Variants in GRID1 observed in about 807,000 individuals in gnomAD.
The protein encoded by GRID1 is glutamate receptor ionotropic, delta-1.
In GRID1, 28 loss-of-function variants were observed where a neutral mutation model predicts 98.0. The observed-to-expected ratio is 0.29, with a 90% CI of 0.21 to 0.39. The LOEUF is 0.39. Ranked by LOEUF, GRID1 falls within the 10% of genes least tolerant of loss-of-function variation. GRID1 has a pLI of 1.00. For missense variants in GRID1, 1,111 were observed against 1,340.5 expected (o/e 0.83, Z 2.67); for synonymous variants, 553 against 538.5 (o/e 1.03, Z -0.37).
chr10:85,736,238 GGGAAGGAAGGAGAGAA>G (rs1342099519), intron 8 of GRID1, among the ~76,000 whole-genome samples: 10 of 128,020 alleles, frequency 7.8e-5, no homozygotes, highest in South Asian at 5.3e-4. Context: ...GAGAGAAGGA[GGGAAGGAAGGAGAGAA>G]GGAAGGAAGG....
intron 4 of GRID1, among the ~76,000 whole-genome samples, chr10:85,963,130 A>G (rs1362445767): frequency 6.6e-6 from 1 of 152,134 alleles, no homozygotes; most frequent in African/African-American, 2.4e-5. Flanking sequence ...CATGGATTCC[A>G]GAACATGTTC....
chr10:85,811,532 T>C (rs1842670730), intron 8 of GRID1, among the ~76,000 whole-genome samples: 1 of 151,950 alleles, frequency 6.6e-6, no homozygotes, highest in Non-Finnish European at 1.5e-5. Flanking sequence ...CAAACAAAAA[T>C]TCTAGACCTG....
chr10:85,962,073 G>T (rs566591084), intron 4 of GRID1, among the ~76,000 whole-genome samples: 1 of 152,302 alleles, frequency 6.6e-6, no homozygotes, highest in East Asian at 1.9e-4. Context: ...GGAGGACAGA[G>T]GGTGGTCTGT....
intron 3 of GRID1, among the ~76,000 whole-genome samples, chr10:86,151,880 A>G (rs1418254103): frequency 6.6e-6 from 1 of 152,170 alleles, no homozygotes; most frequent in Non-Finnish European, 1.5e-5. Context: ...TCTCAGTGAC[A>G]GGCTGATGGG....
intron 8 of GRID1, among the ~76,000 whole-genome samples, chr10:85,785,586 A>G (rs1257868296): frequency 6.6e-6 from 1 of 152,200 alleles, no homozygotes; most frequent in Non-Finnish European, 1.5e-5. Flanking sequence ...CTTCTAGGCT[A>G]GACTGAAATA....
At chr10:85,946,868 G>A (rs1842060022) in intron 4 of GRID1, among the ~76,000 whole-genome samples, 1 of 152,168 alleles carries the variant, frequency 6.6e-6, no homozygotes, top group South Asian at 2.1e-4. Flanking sequence ...GAGAGTCAGG[G>A]ACAGGCCAAT....
chr10:85,920,403 G>A (rs530614309), intron 4 of GRID1, among the ~76,000 whole-genome samples: 61 of 152,238 alleles, frequency 4.0e-4, no homozygotes, highest in Middle Eastern at 3.4e-3. Flanking sequence ...GCCTGCTCTT[G>A]ATTCGATGGT....
chr10:86,223,370 C>A (rs573345605), intron 2 of GRID1, among the ~76,000 whole-genome samples: 18 of 152,240 alleles, frequency 1.2e-4, no homozygotes, highest in Admixed American at 1.2e-3. Flanking sequence ...AGAGAAGGAA[C>A]AGGAAGCTGC....
intron 6 of GRID1, among the ~76,000 whole-genome samples, chr10:85,858,638 T>G (rs1314391952): frequency 2.0e-5 from 3 of 152,212 alleles, no homozygotes; most frequent in Non-Finnish European, 4.4e-5. Context: ...GTTGTTTTTT[T>G]CTTTCTTTTC....
At chr10:85,659,704 A>G (rs1240280875) in intron 12 of GRID1, among the ~76,000 whole-genome samples, 1 of 152,182 alleles carries the variant, frequency 6.6e-6, no homozygotes, top group Admixed American at 6.5e-5. Context: ...GAAGTTTAGG[A>G]AAGGGAATTG....
At chr10:85,621,966 A>T (rs1011375111) in intron 13 of GRID1, among the ~76,000 whole-genome samples, 4 of 152,178 alleles carry the variant, frequency 2.6e-5, no homozygotes, top group Non-Finnish European at 4.4e-5. Flanking sequence ...TATTTCTATG[A>T]TTTCAAAAGG....
chr10:86,243,775 C>T (rs562652252), intron 2 of GRID1, among the ~76,000 whole-genome samples: 3 of 152,322 alleles, frequency 2.0e-5, no homozygotes, highest in African/African-American at 7.2e-5. Flanking sequence ...TTCCCACCTT[C>T]CAGTCTGATT....
At chr10:86,283,110 T>C (rs1374342997) in intron 2 of GRID1, among the ~76,000 whole-genome samples, 1 of 152,180 alleles carries the variant, frequency 6.6e-6, no homozygotes, top group Non-Finnish European at 1.5e-5. Context: ...CCTCATGGCC[T>C]GGAATGCCCT....
chr10:86,238,909 G>A (rs886657985), intron 2 of GRID1, among the ~76,000 whole-genome samples: 6 of 152,216 alleles, frequency 3.9e-5, no homozygotes, highest in Non-Finnish European at 8.8e-5. Flanking sequence ...CTAGGGCAGT[G>A]TGGAGAGAAA....
At chr10:86,249,334 A>G (rs1011998186) in intron 2 of GRID1, among the ~76,000 whole-genome samples, 1 of 152,208 alleles carries the variant, frequency 6.6e-6, no homozygotes, top group Non-Finnish European at 1.5e-5. Flanking sequence ...GGTCACCATC[A>G]GTCCTACCTT....
intron 4 of GRID1, among the ~76,000 whole-genome samples, chr10:85,918,807 A>G (rs1289709151): frequency 6.6e-6 from 1 of 152,216 alleles, no homozygotes; most frequent in African/African-American, 2.4e-5. Flanking sequence ...GAAGTGCCTG[A>G]GCAGAAGGTG....
At chr10:85,877,753 G>C (rs1331287180) in intron 5 of GRID1, among the ~76,000 whole-genome samples, 3 of 152,176 alleles carry the variant, frequency 2.0e-5, no homozygotes, top group Non-Finnish European at 2.9e-5. Context: ...CACCAGCAAC[G>C]GAACAAAGCT....
chr10:86,145,478 C>T (rs2131976600), intron 3 of GRID1, among the ~76,000 whole-genome samples: 1 of 152,098 alleles, frequency 6.6e-6, no homozygotes, highest in African/African-American at 2.4e-5. Flanking sequence ...TCCACCACGT[C>T]CTCCTCAAAC....
At chr10:85,777,076 C>T (rs1380730607) in intron 8 of GRID1, among the ~76,000 whole-genome samples, 1 of 152,176 alleles carries the variant, frequency 6.6e-6, no homozygotes, top group Admixed American at 6.5e-5. Flanking sequence ...GGTCCTATAT[C>T]AGCACAAACC....
Sources: allele counts gnomAD v4.1 joint callset (sites outside exome capture counted in the v4.1 genomes callset), GRCh38; gene constraint gnomAD v4.1.1; transcripts MANE v1.5; gene names NCBI Gene and HGNC (gene_info 2026-07-23, HGNC 2026-07-21).